Variants in TMEM132D observed in about 807,000 individuals in gnomAD.
The protein encoded by TMEM132D is mature OL transmembrane protein.
TMEM132D carries 21 observed loss-of-function variants against 62.3 expected under a neutral mutation model. The observed-to-expected ratio is 0.34, with a 90% CI of 0.24 to 0.49. The LOEUF (loss-of-function observed/expected upper bound fraction) is 0.49, where lower values mean the gene tolerates loss of function less well. Among genes scored for constraint, TMEM132D ranks in the 20% least tolerant of loss-of-function variants. The pLI is 0.99. For missense variants in TMEM132D, 1,346 were observed against 1,402.8 expected, an observed-to-expected ratio of 0.96 and a Z score of 0.65; for synonymous variants, 621 against 575.6, an observed-to-expected ratio of 1.08 and a Z score of -1.13.
At chr12:129,301,111 G>C (rs1396265083) in intron 4 of TMEM132D, among the ~76,000 whole-genome samples, 1 of 152,132 alleles carries the variant, frequency 6.6e-6, no homozygotes, top group African/African-American at 2.4e-5. Context: ...CAAACACTTT[G>C]AGGGGTTGCT....
At chr12:129,736,343 C>T (rs904595797) in intron 1 of TMEM132D, among the ~76,000 whole-genome samples, 4 of 152,152 alleles carry the variant, frequency 2.6e-5, no homozygotes, top group Non-Finnish European at 4.4e-5. Flanking sequence ...TATAGAAATA[C>T]AGCTCGTGGA....
chr12:129,327,838 G>GATATGTTTAT (rs1868965698), intron 4 of TMEM132D, among the ~76,000 whole-genome samples: 1 of 152,138 alleles, frequency 6.6e-6, no homozygotes, highest in Non-Finnish European at 1.5e-5. Flanking sequence ...AATAAATCAT[G>GATATGTTTAT]ATCATATCAG....
chr12:129,860,298 A>C (rs1041580501), intron 1 of TMEM132D, among the ~76,000 whole-genome samples: 1 of 152,266 alleles, frequency 6.6e-6, no homozygotes, highest in African/African-American at 2.4e-5. Flanking sequence ...ATGTCATGGG[A>C]GACTCTAGGG....
At chr12:129,801,716 G>A (rs1486769135) in intron 1 of TMEM132D, among the ~76,000 whole-genome samples, 2 of 151,324 alleles carry the variant, frequency 1.3e-5, no homozygotes, top group Non-Finnish European at 2.9e-5. Flanking sequence ...GAGAGAAGAA[G>A]GCTTCAGACG....
intron 5 of TMEM132D, among the ~76,000 whole-genome samples, chr12:129,112,751 G>A (rs1207164606): frequency 6.6e-6 from 1 of 152,254 alleles, no homozygotes; most frequent in Non-Finnish European, 1.5e-5. Context: ...AAGCCACAGT[G>A]GCTGGGGGCT....
chr12:129,899,349 TGGAGGGATGGATG>T (rs1593203973), intron 1 of TMEM132D, among the ~76,000 whole-genome samples: 2 of 127,968 alleles, frequency 1.6e-5, no homozygotes, highest in East Asian at 4.1e-4. Flanking sequence ...GGATGATGGA[TGGAGGGATGGATG>T]GATGGATGGA....
At chr12:129,824,385 G>A (rs934725383) in intron 1 of TMEM132D, among the ~76,000 whole-genome samples, 1 of 152,048 alleles carries the variant, frequency 6.6e-6, no homozygotes, top group African/African-American at 2.4e-5. Flanking sequence ...CATATTTTAA[G>A]CTATCAGCTT....
At chr12:129,395,391 A>G (rs998203518) in intron 3 of TMEM132D, among the ~76,000 whole-genome samples, 23 of 152,092 alleles carry the variant, frequency 1.5e-4, no homozygotes, top group African/African-American at 5.6e-4. Flanking sequence ...ATTAAATTAG[A>G]TTTAATTGTG....
chr12:129,074,258 G>C lies in TMEM132D; in HGVS notation c.2917C>G (p.Leu973Val), dbSNP rs1212277136. 6.2e-7 allele frequency: 1 copy of C among 1,614,134 alleles called. No individual in the cohort carries two copies. Among genetic ancestry groups the C allele is most frequent in the East Asian group, 2.2e-5 (1 of 44,874 alleles). The part of the protein sequence containing the change: ...DWVGLSNRTE[L>V]LENHINFASS... ...GCAAAGTTGATGTGATTCTCCAACA[G>C]CTCTGTCCGGTTGCTTAACCCAACC... The change falls in exon 9 of 9, where the codon CTG becomes GTG. Residue 973 changes from leucine (L) to valine (V), a missense_variant. Transcript: ENST00000422113.
intron 5 of TMEM132D, among the ~76,000 whole-genome samples, chr12:129,202,276 T>A (rs570905209): frequency 6.6e-6 from 1 of 152,184 alleles, no homozygotes; most frequent in East Asian, 1.9e-4. Context: ...CTGTGACACA[T>A]CTCTGAGAAT....
intron 1 of TMEM132D, among the ~76,000 whole-genome samples, chr12:129,892,540 G>A (rs976717702): frequency 2.6e-5 from 4 of 151,542 alleles, no homozygotes; most frequent in Admixed American, 6.6e-5. Flanking sequence ...CCTCCTCCTC[G>A]TTTTTTCTTA....
chr12:129,758,656 AT>A (rs1870249759), intron 1 of TMEM132D, among the ~76,000 whole-genome samples: 1 of 152,238 alleles, frequency 6.6e-6, no homozygotes, highest in Non-Finnish European at 1.5e-5. Context: ...TTAATAACAG[AT>A]ATGAAATTTG....
chr12:129,639,565 G>A (rs1879589036), intron 2 of TMEM132D, among the ~76,000 whole-genome samples: 1 of 151,876 alleles, frequency 6.6e-6, no homozygotes, highest in South Asian at 2.1e-4. Context: ...CAGAACACGG[G>A]GAGAACCTTC....
intron 5 of TMEM132D, among the ~76,000 whole-genome samples, chr12:129,201,723 A>G (rs1878708744): frequency 6.6e-6 from 1 of 152,184 alleles, no homozygotes; most frequent in Non-Finnish European, 1.5e-5. Context: ...AAACTCATAC[A>G]GAAGAAAGAG....
At chr12:129,551,020 C>A (rs1387099707) in intron 2 of TMEM132D, among the ~76,000 whole-genome samples, 1 of 152,206 alleles carries the variant, frequency 6.6e-6, no homozygotes, top group East Asian at 1.9e-4. Context: ...TGTGAGGAAG[C>A]CCCACCACAA....
chr12:129,451,832 A>G lies in TMEM132D; in HGVS notation c.1115+79227T>C, dbSNP rs190124661. Among the ~76,000 whole-genome samples the G allele has an allele frequency of 5.0e-4, 76 of 152,224 alleles. 1 individual carries two copies. The highest frequency in any genetic ancestry group is 1.9e-4 in the Non-Finnish European group (13 of 68,020). ...CTAGAAGCCTCACCTAGAAAATTCC[A>G]CCTGCACTTGATTGGCAAGAACTGG... On this transcript the variant is annotated intron_variant, in intron 3 of 8. Coordinates refer to ENST00000422113, the MANE Select transcript of TMEM132D (RefSeq NM_133448.3).
chr12:129,184,582 C>G (rs1454990104), intron 5 of TMEM132D, among the ~76,000 whole-genome samples: 2 of 152,188 alleles, frequency 1.3e-5, no homozygotes, highest in Non-Finnish European at 2.9e-5. Flanking sequence ...GAGTAGCCCA[C>G]ACTGGATTTA....
chr12:129,784,133 C>T (rs1871195384), intron 1 of TMEM132D, among the ~76,000 whole-genome samples: 1 of 152,190 alleles, frequency 6.6e-6, no homozygotes, highest in Non-Finnish European at 1.5e-5. Flanking sequence ...ACTGCAACAA[C>T]TGAAAAATAA....
At chr12:129,694,546 G>C (rs953687416) in intron 2 of TMEM132D, among the ~76,000 whole-genome samples, 1 of 152,230 alleles carries the variant, frequency 6.6e-6, no homozygotes, top group Non-Finnish European at 1.5e-5. Context: ...GTATGCGCCT[G>C]TAACAGTGGC....
Sources: allele counts gnomAD v4.1 joint callset (sites outside exome capture counted in the v4.1 genomes callset), GRCh38; gene constraint gnomAD v4.1.1; transcripts MANE v1.5; gene names NCBI Gene and HGNC (gene_info 2026-07-23, HGNC 2026-07-21).